Variants in SOX5 observed in about 807,000 individuals in gnomAD.
SOX5 encodes transcription factor SOX-5.
A neutral mutation model predicts 92.0 loss-of-function variants in SOX5; 9 were observed. The observed-to-expected ratio is 0.10, with a 90% CI of 0.06 to 0.17. The LOEUF is 0.17. Ranked by LOEUF, SOX5 falls within the 10% of genes least tolerant of loss-of-function variation. SOX5 has a pLI of 1.00. For missense variants in SOX5, 642 were observed against 944.5 expected (o/e 0.68, Z 4.20); for synonymous variants, 344 against 336.3 (o/e 1.02, Z -0.25).
In SOX5 at chr12:24,556,064, T is replaced by C. The variant is rs896790220; in HGVS notation, c.-251+6265A>G. Among the ~76,000 whole-genome samples the C allele has an allele frequency of 4.9e-4, 74 of 152,200 alleles. 2 individuals carry two copies. Among genetic ancestry groups the C allele is most frequent in the Non-Finnish European group, 1.5e-5 (1 of 68,040 alleles). ...TTGCCTAGCCAAACCTTTCATAGGC[T>C]GCACTATAGTCAAGCTTCTTCCTAC... On this transcript the variant is annotated intron_variant, in intron 1 of 4. Transcript: ENST00000446891.
chr12:23,607,505 CTT>C (rs1277283489), intron 8 of SOX5, among the ~76,000 whole-genome samples: 5 of 151,272 alleles, frequency 3.3e-5, no homozygotes, highest in African/African-American at 9.6e-5. Context: ...TTAATTCACA[CTT>C]TTAAAAAATT....
chr12:24,164,252 G>A (rs1436046566), intron 4 of SOX5, among the ~76,000 whole-genome samples: 2 of 152,022 alleles, frequency 1.3e-5, no homozygotes, highest in South Asian at 2.1e-4. Context: ...TGTAGCTGAT[G>A]TTTTATTGTT....
rs1311097561 is a variant in SOX5, at chr12:24,301,739, T to C, written c.-173-24427A>G. On this transcript the variant is annotated intron_variant, in intron 2 of 4. Transcript: ENST00000446891. ...TGAGTGCGCACACGTAAATTTGTAC[T>C]GTCCTGGGTGGAGGATGAAGAAAAA... 3.9e-5 allele frequency among the ~76,000 whole-genome samples: 6 copies of C among 152,324 alleles called. No individual in the cohort carries two copies. In the East Asian group the frequency reaches 9.6e-4, roughly 24 times the overall value.
chr12:24,014,807 TG>T (rs1953387786), intron 4 of SOX5, among the ~76,000 whole-genome samples: 1 of 152,174 alleles, frequency 6.6e-6, no homozygotes, highest in African/African-American at 2.4e-5. Context: ...ATTCACAATC[TG>T]GGGGCCTTGT....
rs1323447619 is a variant in SOX5, at chr12:23,531,596, C to A, written c.*2623G>T. ...GGAATTTGTTAACAAAGACAGAGAA[C>A]AAATTTTTTAAAAATCTGTTTTCAC... On this transcript the variant is annotated 3_prime_UTR_variant, in exon 15 of 15. Transcript: ENST00000451604. The A allele has an allele frequency of 6.6e-6, 1 of 152,050 alleles. No individual in the cohort carries two copies. The highest frequency in any genetic ancestry group is 1.5e-5 in the Non-Finnish European group (1 of 67,984). 9.4% of individuals were successfully genotyped at this position (152,050 alleles called of 1,614,324 possible). A position where few individuals can be genotyped will look rare whatever the true frequency, so the allele number is the denominator to read the frequency against.
intron 8 of SOX5, among the ~76,000 whole-genome samples, chr12:23,625,905 C>G (rs970556711): frequency 6.6e-6 from 1 of 152,178 alleles, no homozygotes; most frequent in African/African-American, 2.4e-5. Context: ...CCGCGCCCGG[C>G]CTCAAGCAAA....
intron 1 of SOX5, among the ~76,000 whole-genome samples, chr12:24,444,398 T>C (rs1340120972): frequency 1.3e-5 from 2 of 152,020 alleles, no homozygotes; most frequent in African/African-American, 4.8e-5. Flanking sequence ...GAAAAGAACA[T>C]GAATGTAATG....
chr12:24,046,033 A>G (rs1394082269), intron 4 of SOX5, among the ~76,000 whole-genome samples: 1 of 151,988 alleles, frequency 6.6e-6, no homozygotes, highest in East Asian at 1.9e-4. Context: ...GTCTCTCATC[A>G]TTGCTTTTGG....
At chr12:23,766,186 T>C (rs1420104496) in intron 3 of SOX5, among the ~76,000 whole-genome samples, 3 of 152,218 alleles carry the variant, frequency 2.0e-5, no homozygotes, top group Non-Finnish European at 2.9e-5. Flanking sequence ...TTAAACCTGC[T>C]ATAAAAATTT....
chr12:24,162,907 G>A (rs1008372309), intron 4 of SOX5, among the ~76,000 whole-genome samples: 1 of 152,142 alleles, frequency 6.6e-6, no homozygotes, highest in African/African-American at 2.4e-5. Context: ...GATGGGCACT[G>A]ATGCCCTCAG....
chr12:24,368,754 T>A (rs993201166), intron 1 of SOX5: 5 of 152,230 alleles, frequency 3.3e-5, no homozygotes, highest in African/African-American at 1.2e-4. Flanking sequence ...TATATCAACC[T>A]TCTTCCTGTA....
intron 3 of SOX5, among the ~76,000 whole-genome samples, chr12:24,253,450 C>T (rs909941705): frequency 3.9e-5 from 6 of 151,948 alleles, no homozygotes; most frequent in Non-Finnish European, 1.5e-5. Flanking sequence ...CACCATTGAT[C>T]CTTATTCATC....
At chr12:24,157,394 A>T (rs1407745996) in intron 4 of SOX5, among the ~76,000 whole-genome samples, 1 of 152,138 alleles carries the variant, frequency 6.6e-6, no homozygotes, top group Non-Finnish European at 1.5e-5. Flanking sequence ...AGAATCTATA[A>T]GCTTAATTAA....
At position 23,758,293 on chromosome 12, in the gene SOX5, G is replaced by T. The variant is rs527632650; in HGVS notation, c.482-2569C>A. On this transcript the variant is annotated intron_variant, in intron 3 of 14. Transcript: ENST00000451604. ...AGATCATGTAACATCCATGTTACGG[G>T]TTTAAAGAGATGAAGCAGCACCAGC... Among the ~76,000 whole-genome samples, 5 of 151,704 alleles carry T rather than the reference G, an allele frequency of 3.3e-5. No homozygotes were observed. The South Asian group carries it at 8.3e-4, about 25-fold the overall frequency.
At chr12:24,407,232 G>C (rs117742982) in intron 1 of SOX5, among the ~76,000 whole-genome samples, 2,430 of 152,238 alleles carry the variant, frequency 0.016, 31 homozygotes, top group South Asian at 0.031. Flanking sequence ...ATAGATCGAG[G>C]TGTGCCCCGG....
intron 3 of SOX5, among the ~76,000 whole-genome samples, chr12:23,759,635 G>A (rs1406967968): frequency 6.6e-6 from 1 of 152,028 alleles, no homozygotes; most frequent in African/African-American, 2.4e-5. Flanking sequence ...TCTGAAAATG[G>A]TAAAGATATG....
chr12:24,559,595 A>AC (rs1359146652), intron 1 of SOX5, among the ~76,000 whole-genome samples: 2 of 152,148 alleles, frequency 1.3e-5, no homozygotes, highest in African/African-American at 2.4e-5. Context: ...TGTAAGTAAA[A>AC]AAAAAAAAAT....
chr12:24,139,478 C>T (rs967223253), intron 4 of SOX5, among the ~76,000 whole-genome samples: 8 of 152,180 alleles, frequency 5.3e-5, no homozygotes, highest in Admixed American at 1.3e-4. Flanking sequence ...TTGTCAGCTG[C>T]TCCATGATTG....
Position 23,534,048 on chromosome 12 carries a change from C to T in SOX5, c.*171G>A, listed in dbSNP as rs1381529464. 6 of 577,356 alleles carry T rather than the reference C, an allele frequency of 1.0e-5. No individual in the cohort carries two copies. The East Asian group carries it at 1.4e-4, about 13-fold the overall frequency. The allele number at this position is 577,356 out of a possible 1,614,324, so 35.8% of individuals were successfully genotyped here. On this transcript the variant is annotated 3_prime_UTR_variant, in exon 15 of 15. Transcript: ENST00000451604. ...TGCTTGTTGTATTTGTTTTTTCTTT[C>T]CAAGCCTTTTGAGGCTGAGGTCTAT...
Sources: gnomAD v4.1 joint callset for allele counts (sites outside exome capture counted in the v4.1 genomes callset) on GRCh38, gnomAD v4.1.1 for gene constraint, MANE v1.5 for transcripts, NCBI Gene and HGNC (gene_info 2026-07-23, HGNC 2026-07-21) for gene names.